The following CTRL variants were observed in gnomAD, a reference collection of about 807,000 sequenced individuals.
CTRL encodes chymotrypsin like.
In CTRL, 38 loss-of-function variants were observed where a neutral mutation model predicts 35.5. The ratio of observed to expected loss-of-function variants is 1.07; its 90% CI spans 0.83 to 1.40. CTRL has a LOEUF of 1.40. CTRL is among the 40% of genes most tolerant of loss of function. The probability of loss-of-function intolerance (pLI) is 0.00; values close to 1 mark genes in which losing one functional copy is unlikely to be tolerated. For missense variants in CTRL, 327 were observed against 342.9 expected, an observed-to-expected ratio of 0.95 and a Z score of 0.37; for synonymous variants, 155 against 141.1, an observed-to-expected ratio of 1.10 and a Z score of -0.70.
chr16:67,931,414 A>T, intron 1 of CTRL: 1 of 612,920 alleles, frequency 1.6e-6, no homozygotes, highest in Admixed American at 2.7e-5. Flanking sequence ...CTGTTCTCCT[A>T]CATCTGTCTC....
rs763692820 is a variant in CTRL at position 67,930,566 on chromosome 16, T to G, written c.341A>C (p.Asn114Thr). ...VSRAITHPSW[N>T]STTMNNDVTL... is the part of the protein sequence containing the mutation. ...CACGTCATTGTTCATGGTGGTAGAG[T>G]TCCAGCTAGGGTGTGTAATGGCCTG... Residue 114 changes from asparagine to threonine, a missense_variant, in exon 5 of 7, where the codon AAC becomes ACC. By Grantham distance (65) the Asn-to-Thr change is moderately conservative. Coordinates refer to ENST00000574481, the MANE Select transcript of CTRL (RefSeq NM_001907.3). This position sits in a 1 kb window ranked among gnomAD's most constrained non-coding sequence, Gnocchi z 4.3. 6.2e-7 allele frequency: 1 copy of G among 1,613,602 alleles called. No homozygotes were observed. Among genetic ancestry groups the G allele is most frequent in the Non-Finnish European group, 8.5e-7 (1 of 1,179,922 alleles).
Position 67,930,727 on chromosome 16 carries a change from C to G in CTRL, c.317G>C (p.Arg106Pro), listed in dbSNP as rs773707271. The G allele has an allele frequency of 5.6e-6, 9 of 1,613,850 alleles. No homozygotes were observed. Among genetic ancestry groups the G allele is most frequent in the South Asian group, 1.1e-5 (1 of 91,064 alleles). Residue 106 changes from arginine (R) to proline (P), a missense_variant and splice_region_variant, in exon 4 of 7, where the codon CGG (arginine) becomes CCG (proline). Physicochemically the swap from Arg to Pro is moderately radical, Grantham distance 103. Transcript: ENST00000574481. The surrounding 1 kb of genome is among the most constrained non-coding windows in gnomAD (Gnocchi z 4.3). ...CGTGTCTGCAGCCCAGGCACTCACC[C>G]GAGAGACGGACAGAACCTGCAAGGG... ...AEPLQVLSVSRAITHPSWNST... is the reference protein window; with the variant it reads ...AEPLQVLSVSPAITHPSWNST...
chr16:67,930,456 C>A lies in CTRL; in HGVS notation c.451G>T (p.Glu151Ter). The A allele has an allele frequency of 6.2e-7, 1 of 1,614,140 alleles. No individual in the cohort carries two copies. The highest frequency in any genetic ancestry group is 8.5e-7 in the Non-Finnish European group (1 of 1,180,042). The change falls in exon 5 of 7, where the codon GAA becomes TAA. Residue 151 changes from glutamate (E) to a stop codon, truncating the protein, a stop_gained. Coordinates refer to ENST00000574481, the MANE Select transcript of CTRL (RefSeq NM_001907.3). LOFTEE classifies it high-confidence loss of function. This position sits in a 1 kb window ranked among gnomAD's most constrained non-coding sequence, Gnocchi z 4.3. ...CCGGTGGTGACACACGTGAGGCCTT[C>A]AGTCAGAGCCTCGTTTGAGGATGCC... ...CLASSNEALT[E>*]GLTCVTTGWG...
chr16:67,930,596 G>A lies in CTRL; in HGVS notation c.319-8C>T. ...GCTAGGGTGTGTAATGGCCTGTGGGGTCAGAAACAGTCCATGTTCTGATGG... is the reference window on the plus strand; with the variant it reads ...GCTAGGGTGTGTAATGGCCTGTGGGATCAGAAACAGTCCATGTTCTGATGG... On this transcript the variant is annotated splice_region_variant and splice_polypyrimidine_tract_variant and intron_variant, in intron 4 of 6. Coordinates refer to ENST00000574481, the MANE Select transcript of CTRL (RefSeq NM_001907.3). The surrounding 1 kb of genome is among the most constrained non-coding windows in gnomAD (Gnocchi z 4.3). The A allele has an allele frequency of 6.2e-7, 1 of 1,612,774 alleles. No individual in the cohort carries two copies. Among genetic ancestry groups the A allele is most frequent in the South Asian group, 1.1e-5 (1 of 91,072 alleles).
Position 67,930,357 on chromosome 16 carries a change from A to G in CTRL, c.500-39T>C. On this transcript the variant is annotated intron_variant, in intron 5 of 6. Transcript: ENST00000574481. This position sits in a 1 kb window ranked among gnomAD's most constrained non-coding sequence, Gnocchi z 4.3. ...GGGGTGGTCACATGGGGCCCAGAAC[A>G]CTGGTCCCCACCCCAGTCCTCCCAC... 6.2e-7 allele frequency: 1 copy of G among 1,612,900 alleles called. No individual in the cohort carries two copies. Among genetic ancestry groups the G allele is most frequent in the African/African-American group, 1.3e-5 (1 of 74,980 alleles).
Position 67,930,246 on chromosome 16 carries a change from C to T in CTRL, c.572G>A (p.Trp191Ter), listed in dbSNP as rs2058234544. 6.2e-7 allele frequency: 1 copy of T among 1,613,936 alleles called. No homozygotes were observed. The highest frequency in any genetic ancestry group is 8.5e-7 in the Non-Finnish European group (1 of 1,180,014). ...CATGGAGTCAGTGATACTTGAGCCC[C>T]AGTACTGCCGGCACTGATTCACAGT... ...LVTVNQCRQY[W>*]GSSITDSMIC... Residue 191 changes from tryptophan (W) to a stop codon, truncating the protein, a stop_gained, in exon 6 of 7, where the codon TGG (tryptophan) becomes TAG (stop). Coordinates refer to ENST00000574481, the MANE Select transcript of CTRL (RefSeq NM_001907.3). LOFTEE classifies it high-confidence loss of function. The surrounding 1 kb of genome is among the most constrained non-coding windows in gnomAD (Gnocchi z 4.3).
Position 67,930,804 on chromosome 16 carries a change from A to G in CTRL, c.240T>C (p.Pro80=). The change falls in exon 4 of 7, where the codon CCT becomes CCC. Residue 80 remains proline, a synonymous_variant. Coordinates refer to ENST00000574481, the MANE Select transcript of CTRL (RefSeq NM_001907.3). The surrounding 1 kb of genome is among the most constrained non-coding windows in gnomAD (Gnocchi z 4.3). ...CGCCCAGGACAACAAAATGGCGGCC[A>G]GGGCTGCAAGGGGGTGGGATTAGGC... ...VVTAAHCNVS[P]GRHFVVLGEY... 6 of 1,614,050 alleles carry G rather than the reference A, an allele frequency of 3.7e-6. No homozygotes were observed. The highest frequency in any genetic ancestry group is 5.1e-6 in the Non-Finnish European group (6 of 1,180,002).
At chr16:67,931,409 C>G in intron 1 of CTRL, 3 of 615,434 alleles carry the variant, frequency 4.9e-6, no homozygotes, top group Non-Finnish European at 8.7e-6. Context: ...CCCTGCTGTT[C>G]TCCTACATCT....
In CTRL at chr16:67,930,780, G is replaced by A. The variant is rs142349781; in HGVS notation, c.264C>T (p.Gly88=). The A allele has an allele frequency of 4.8e-5, 78 of 1,613,914 alleles. No individual in the cohort carries two copies. Among genetic ancestry groups the A allele is most frequent in the African/African-American group, 1.3e-5 (1 of 74,876 alleles). ...VSPGRHFVVL[G]EYDRSSNAEP... ...CTGCGTTTGATGATCGGTCATACTC[G>A]CCCAGGACAACAAAATGGCGGCCAG... Residue 88 remains glycine, a synonymous_variant, in exon 4 of 7, where the codon GGC becomes GGT. Transcript: ENST00000574481. This position sits in a 1 kb window ranked among gnomAD's most constrained non-coding sequence, Gnocchi z 4.3.
Position 67,930,448 on chromosome 16 carries a change from G to A in CTRL, c.459C>T (p.Leu153=). 3 of 1,614,112 alleles carry A rather than the reference G, an allele frequency of 1.9e-6. No homozygotes were observed. Among genetic ancestry groups the A allele is most frequent in the African/African-American group, 1.3e-5 (1 of 75,034 alleles). ...ASSNEALTEG[L]TCVTTGWGRL... ...GACCCCAGCCGGTGGTGACACACGT[G>A]AGGCCTTCAGTCAGAGCCTCGTTTG... The change falls in exon 5 of 7, where the codon CTC becomes CTT. Residue 153 remains leucine (L), a synonymous_variant. Coordinates refer to ENST00000574481, the MANE Select transcript of CTRL (RefSeq NM_001907.3). The surrounding 1 kb of genome is among the most constrained non-coding windows in gnomAD (Gnocchi z 4.3).
chr16:67,931,825 G>A lies in CTRL; in HGVS notation c.28C>T (p.Leu10=), dbSNP rs1239154082. Residue 10 remains leucine, a synonymous_variant, in exon 1 of 7, where the codon CTG becomes TTG. Transcript: ENST00000574481. Reference sequence around the variant, plus strand: ...CCCCAGGAGGAGCCGAGGAGAACCAGGCTTAGGGTCAGGCTGAGCAGCAAC... The same window carrying A: ...CCCCAGGAGGAGCCGAGGAGAACCAAGCTTAGGGTCAGGCTGAGCAGCAAC... MLLLSLTLS[L]VLLGSSWGCG... is the part of the protein sequence containing the mutation. 3 of 1,572,114 alleles carry A rather than the reference G, an allele frequency of 1.9e-6. No individual in the cohort carries two copies. The highest frequency in any genetic ancestry group is 1.7e-4 in the Middle Eastern group (1 of 6,032).
intron 1 of CTRL, chr16:67,931,531 A>G: frequency 1.7e-6 from 1 of 586,590 alleles, no homozygotes; most frequent in Non-Finnish European, 3.0e-6. Flanking sequence ...TCTAAAAGAC[A>G]TGGACAGGTC....
At position 67,930,725 on chromosome 16, in the gene CTRL, C is replaced by A; in HGVS notation, c.318+1G>T. The A allele has an allele frequency of 6.2e-7, 1 of 1,613,970 alleles. No homozygotes were observed. The highest frequency in any genetic ancestry group is 8.5e-7 in the Non-Finnish European group (1 of 1,179,892). On this transcript the variant is annotated splice_donor_variant, in intron 4 of 6. Transcript: ENST00000574481. LOFTEE classifies it high-confidence loss of function. The surrounding 1 kb of genome is among the most constrained non-coding windows in gnomAD (Gnocchi z 4.3). ...TCCGTGTCTGCAGCCCAGGCACTCA[C>A]CCGAGAGACGGACAGAACCTGCAAG...
rs542410288 is a variant in CTRL, at chr16:67,930,003, G to T, written c.726C>A (p.Arg242=). The change falls in exon 7 of 7, where the codon CGC becomes CGA. Residue 242 remains arginine, a synonymous_variant. Coordinates refer to ENST00000574481, the MANE Select transcript of CTRL (RefSeq NM_001907.3). The surrounding 1 kb of genome is among the most constrained non-coding windows in gnomAD (Gnocchi z 4.3). ...VSWGTKNCNV[R]APAVYTRVSK... ...TAACTCGAGTATACACAGCAGGTGC[G>T]CGCACATTGCAGTTTTTGGTGCCCC... The T allele has an allele frequency of 3.1e-6, 5 of 1,614,130 alleles. No individual in the cohort carries two copies. Among genetic ancestry groups the T allele is most frequent in the Non-Finnish European group, 3.4e-6 (4 of 1,180,012 alleles).
chr16:67,931,710 C>T, intron 1 of CTRL, 91 bp downstream of exon 1: 1 of 1,442,992 alleles, frequency 6.9e-7, no homozygotes, highest in Non-Finnish European at 9.5e-7. Flanking sequence ...CCACCTTCGT[C>T]CCTTCCAGCC....
At position 67,929,741 on chromosome 16, in the gene CTRL, C is replaced by T. The variant is rs1039440874; in HGVS notation, c.*193G>A. On this transcript the variant is annotated 3_prime_UTR_variant, in exon 7 of 7. Transcript: ENST00000574481. ...GGAGGAGGGGTGGGGGCCCCGGCCT[C>T]GGCATGGCTACTCTAGGAAGAGCCA... 4 of 654,942 alleles carry T rather than the reference C, an allele frequency of 6.1e-6. No individual in the cohort carries two copies. The highest frequency in any genetic ancestry group is 3.0e-5 in the Admixed American group (1 of 33,610). The allele number at this position is 654,942 out of a possible 1,614,324, so 40.6% of individuals were successfully genotyped here.
rs898374808 is a variant in CTRL, at chr16:67,931,406, G to C, written c.53-205C>G. The C allele has an allele frequency of 3.7e-5, 23 of 617,846 alleles. No homozygotes were observed. In the Admixed American group the frequency reaches 5.4e-4, roughly 14 times the overall value. 38.3% of individuals were successfully genotyped at this position (617,846 alleles called of 1,614,324 possible). ...ATCCACCCAGTCCCCCAGCCCTGCT[G>C]TTCTCCTACATCTGTCTCCAGCCTA... On this transcript the variant is annotated intron_variant, in intron 1 of 6. Transcript: ENST00000574481.
In CTRL at chr16:67,930,326, C is replaced by G; in HGVS notation, c.500-8G>C. 1 of 1,613,718 alleles carries G rather than the reference C, an allele frequency of 6.2e-7. No homozygotes were observed. Among genetic ancestry groups the G allele is most frequent in the Middle Eastern group, 1.7e-4 (1 of 6,058 alleles). On this transcript the variant is annotated splice_polypyrimidine_tract_variant and splice_region_variant and intron_variant, in intron 5 of 6. Transcript: ENST00000574481. The surrounding 1 kb of genome is among the most constrained non-coding windows in gnomAD (Gnocchi z 4.3). ...GTGCTGGTGTCACATTGCCTGTGGG[C>G]CAGGAGGGGTGGTCACATGGGGCCC...
At position 67,929,936 on chromosome 16, in the gene CTRL, A is replaced by G. The variant is rs149399734; in HGVS notation, c.793T>C (p.Ter265ArgextTer35). Residue 265 changes from the stop codon to arginine (R), a stop_lost, in exon 7 of 7, where the codon TGA (stop) becomes CGA (arginine). Transcript: ENST00000574481. ...TWINQVIAYN[*>R] The stretch of plus-strand genomic sequence containing the variant: ...GCTGGGGAGGGCCTGTGGTGAGCTC[A>G]GTTGTAGGCTATGACCTGGTTGATC... 6.2e-7 allele frequency: 1 copy of G among 1,613,746 alleles called. No homozygotes were observed. The highest frequency in any genetic ancestry group is 1.3e-5 in the African/African-American group (1 of 74,938).
Sources: gnomAD v4.1 joint callset for allele counts on GRCh38, gnomAD v4.1.1 for gene constraint, Gnocchi (gnomAD v3.1) non-coding constraint, MANE v1.5 for transcripts, NCBI Gene and HGNC (gene_info 2026-07-23, HGNC 2026-07-21) for gene names.